The following ESYT3 variants were observed in gnomAD, a reference collection of about 807,000 sequenced individuals.
The protein encoded by ESYT3 is extended synaptotagmin 3.
In ESYT3, 101 loss-of-function variants were observed where a neutral mutation model predicts 111.5. The observed-to-expected ratio is 0.91, with a 90% CI of 0.77 to 1.07. ESYT3 has a LOEUF of 1.07. ESYT3 is among the 50% of genes least tolerant of loss of function. ESYT3 has a pLI of 0.00. For synonymous variants in ESYT3, 416 were observed against 446.8 expected (o/e 0.93, Z 0.87); for missense variants, 1,097 against 1,109.4 (o/e 0.99, Z 0.16).
Position 138,476,426 on chromosome 3 carries a change from TA to T in ESYT3, c.2575-16del, listed in dbSNP as rs777011991. 8 of 1,613,290 alleles carry T rather than the reference TA, an allele frequency of 5.0e-6. 1 individual carries two copies. Among genetic ancestry groups the T allele is most frequent in the Middle Eastern group, 3.3e-4 (2 of 6,056 alleles). On this transcript the variant is annotated splice_polypyrimidine_tract_variant and intron_variant, in intron 21 of 22. Transcript: ENST00000389567. ...TGCAGTGTTTTGGAGGGGAACTAAT[TA>T]TTTGTGATTATTTAGGTACTGATTG...
intron 1 of ESYT3, among the ~76,000 whole-genome samples, chr3:138,443,581 G>A (rs1266269314): frequency 1.3e-5 from 2 of 152,172 alleles, no homozygotes; most frequent in African/African-American, 2.4e-5. Context: ...TAGCAGGGGT[G>A]TATTGTCTGT....
chr3:138,457,624 G>A lies in ESYT3; in HGVS notation c.561G>A (p.Val187=). 6.2e-7 allele frequency: 1 copy of A among 1,614,218 alleles called. No homozygotes were observed. The highest frequency in any genetic ancestry group is 8.5e-7 in the Non-Finnish European group (1 of 1,180,044). ...CTAATACGTGCAACCGAAGACGTGT[G>A]ACTGTGGACCTGCAGATCTGGTGAG... ...AHTNTCNRRR[V]TVDLQICYIG... Residue 187 remains valine (V), a synonymous_variant, in exon 4 of 23, where the codon GTG becomes GTA. Coordinates refer to ENST00000389567, the MANE Select transcript of ESYT3 (RefSeq NM_031913.5).
chr3:138,477,491 T>G lies in ESYT3; in HGVS notation c.*637T>G, dbSNP rs967511213. 6.6e-6 allele frequency: 1 copy of G among 152,340 alleles called. No homozygotes were observed. The highest frequency in any genetic ancestry group is 2.4e-5 in the African/African-American group (1 of 41,452). 9.4% of individuals were successfully genotyped at this position (152,340 alleles called of 1,614,324 possible). A position where few individuals can be genotyped will look rare whatever the true frequency, so the allele number is the denominator to read the frequency against. On this transcript the variant is annotated 3_prime_UTR_variant, in exon 23 of 23. Coordinates refer to ENST00000389567, the MANE Select transcript of ESYT3 (RefSeq NM_031913.5). ...AAAATGTTATACTGATATACTTAAA[T>G]ACCTTGAGTTAAATACTCTTGTGTA...
intron 3 of ESYT3, among the ~76,000 whole-genome samples, chr3:138,456,946 T>C (rs2032310350): frequency 2.0e-5 from 3 of 152,068 alleles, no homozygotes; most frequent in Non-Finnish European, 4.4e-5. Context: ...GAGAAACACC[T>C]GCCTCCTGAT....
chr3:138,476,400 A>G, intron 21 of ESYT3, 43 bp from the exon 22 acceptor site: 2 of 1,608,116 alleles, frequency 1.2e-6, no homozygotes, highest in Non-Finnish European at 8.5e-7. Context: ...TCTTTCCTTA[A>G]TGCAGTGTTT....
chr3:138,468,727 G>A lies in ESYT3; in HGVS notation c.1371+10G>A, dbSNP rs777995685. ...TGCCTGCAACTTGCCGGTGAGTGGC[G>A]ACATGTCCAGAGTGTCACACAAACG... On this transcript the variant is annotated intron_variant, in intron 13 of 22. Transcript: ENST00000389567. 12 of 1,614,002 alleles carry A rather than the reference G, an allele frequency of 7.4e-6. No homozygotes were observed. The highest frequency in any genetic ancestry group is 1.6e-4 in the Middle Eastern group (1 of 6,084).
Position 138,473,106 on chromosome 3 carries a change from C to T in ESYT3, c.2237+247C>T, listed in dbSNP as rs554805135. ...TGGACTCTGGTTGGTAAGGTCCCTT[C>T]CAGCAGAACCATTGAGTTATACTGG... On this transcript the variant is annotated intron_variant, in intron 18 of 22. Transcript: ENST00000389567. The T allele has an allele frequency of 3.1e-5, 43 of 1,391,356 alleles. No homozygotes were observed. In the East Asian group the frequency reaches 1.2e-3, roughly 37 times the overall value. The allele number at this position is 1,391,356 out of a possible 1,614,324, so 86.2% of individuals were successfully genotyped here.
chr3:138,462,769 C>A (rs2032717031), intron 8 of ESYT3, among the ~76,000 whole-genome samples: 1 of 152,158 alleles, frequency 6.6e-6, no homozygotes, highest in Non-Finnish European at 1.5e-5. Context: ...CTCAAGCAAT[C>A]CTCCTACCTC....
chr3:138,480,828 A>G (rs932549181), downstream of ESYT3: 1 of 152,174 alleles, frequency 6.6e-6, no homozygotes, highest in Non-Finnish European at 1.5e-5. Flanking sequence ...AAAGCCGCCT[A>G]CTCAACGCCA....
At chr3:138,464,250 G>A in intron 8 of ESYT3, 95 bp from the exon 9 acceptor site, 1 of 1,414,416 alleles carries the variant, frequency 7.1e-7, no homozygotes, top group East Asian at 2.3e-5. Flanking sequence ...GGCAATATGG[G>A]GGCAGCAGTG....
rs2031852033 is a variant in ESYT3, at chr3:138,450,520, CT to C, written c.328-1524del. ...TCTCTTCCGTACCTGGGAATATAAA[CT>C]TTTCTGAGTTAGTATAGGCCACTGC... On this transcript the variant is annotated intron_variant, in intron 1 of 22. Coordinates refer to ENST00000389567, the MANE Select transcript of ESYT3 (RefSeq NM_031913.5). Among the ~76,000 whole-genome samples the C allele has an allele frequency of 2.0e-5, 3 of 152,180 alleles. No homozygotes were observed. The South Asian group carries it at 6.2e-4, about 32-fold the overall frequency.
intron 8 of ESYT3, among the ~76,000 whole-genome samples, chr3:138,463,007 A>G (rs2032731228): frequency 6.6e-6 from 1 of 152,166 alleles, no homozygotes; most frequent in Non-Finnish European, 1.5e-5. Flanking sequence ...GTCGTATGAC[A>G]CATATTTGCT....
rs1232444530 is a variant in ESYT3 at position 138,459,659 on chromosome 3, G to T, written c.649-286G>T. 5.9e-5 allele frequency among the ~76,000 whole-genome samples: 9 copies of T among 152,238 alleles called. No homozygotes were observed. The East Asian group carries it at 1.7e-3, about 29-fold the overall frequency. On this transcript the variant is annotated intron_variant, in intron 5 of 22. Transcript: ENST00000389567. ...TCCTGGGTTCCTGCTGGCTGGGCCA[G>T]CCCAAAACTTGGCAAAGGCTATAGG...
chr3:138,456,232 G>A lies in ESYT3; in HGVS notation c.504+904G>A, dbSNP rs933922363. 2.6e-5 allele frequency among the ~76,000 whole-genome samples: 4 copies of A among 152,344 alleles called. No homozygotes were observed. In the South Asian group the frequency reaches 6.2e-4, roughly 24 times the overall value. ...CATTCACCTGTGACTTATTGAGCAC[G>A]TGCTGTGTGCTGGGCATCATAGAGT... is the stretch of plus-strand genomic sequence containing the variant. On this transcript the variant is annotated intron_variant, in intron 3 of 22. Transcript: ENST00000389567.
At chr3:138,437,754 A>T (rs59154284) in intron 1 of ESYT3, among the ~76,000 whole-genome samples, 1 of 151,862 alleles carries the variant, frequency 6.6e-6, no homozygotes, top group African/African-American at 2.4e-5. Flanking sequence ...AGAGTGGGAG[A>T]TGCGTGGGAG....
chr3:138,462,028 C>G (rs955186835), intron 7 of ESYT3, 58 bp from the exon 8 acceptor site: 2 of 1,610,102 alleles, frequency 1.2e-6, no homozygotes, highest in Non-Finnish European at 1.7e-6. Context: ...GATGGAGTGG[C>G]AGGTGGCATG....
intron 8 of ESYT3, chr3:138,462,542 A>G (rs1311355415): frequency 2.2e-6 from 1 of 455,838 alleles, no homozygotes; most frequent in Admixed American, 3.6e-5. Flanking sequence ...ACAATTATGT[A>G]AAGTAGTTGT....
intron 2 of ESYT3, among the ~76,000 whole-genome samples, chr3:138,452,491 C>T (rs142542966): frequency 6.6e-6 from 1 of 152,148 alleles, no homozygotes; most frequent in African/African-American, 2.4e-5. Context: ...AGCTGGCTTC[C>T]TTATCCGTAA....
At position 138,476,324 on chromosome 3, in the gene ESYT3, G is replaced by A. The variant is rs756702118; in HGVS notation, c.2570G>A (p.Gly857Glu). The A allele has an allele frequency of 5.6e-6, 9 of 1,611,940 alleles. No homozygotes were observed. The African/African-American group carries it at 1.2e-4, about 22-fold the overall frequency. Reference sequence around the variant, plus strand: ...GGCTCACACAGAAGAAAGGAGTTAGGAAAAGTAAGTACAAGAGATATTTGA... The same window carrying A: ...GGCTCACACAGAAGAAAGGAGTTAGAAAAAGTAAGTACAAGAGATATTTGA... ...PLGSHRRKELGKVLIDLSKED... is the reference protein window; with the variant it reads ...PLGSHRRKELEKVLIDLSKED... Residue 857 changes from glycine to glutamate, a missense_variant, in exon 21 of 23, where the codon GGA becomes GAA. By Grantham distance (98) the Gly-to-Glu change is moderately conservative. Coordinates refer to ENST00000389567, the MANE Select transcript of ESYT3 (RefSeq NM_031913.5).
Sources: allele counts gnomAD v4.1 joint callset (sites outside exome capture counted in the v4.1 genomes callset), GRCh38; gene constraint gnomAD v4.1.1; transcripts MANE v1.5; gene names NCBI Gene and HGNC (gene_info 2026-07-23, HGNC 2026-07-21).